Variants in TENM1 observed in about 807,000 individuals in gnomAD.
TENM1 encodes the protein teneurin-1.
TENM1 carries 35 observed loss-of-function variants against 174.8 expected under a neutral mutation model. The observed-to-expected ratio is 0.20, with a 90% CI of 0.15 to 0.27. The LOEUF is 0.27. TENM1 is among the 10% of genes least tolerant of loss of function. The probability of loss-of-function intolerance (pLI) is 1.00; values close to 1 mark genes in which losing one functional copy is unlikely to be tolerated. For synonymous variants in TENM1, 781 were observed against 798.7 expected, an observed-to-expected ratio of 0.98 and a Z score of 0.37; for missense variants, 1,633 against 2,130.1, an observed-to-expected ratio of 0.77 and a Z score of 4.59.
intron 25 of TENM1, among the ~76,000 whole-genome samples, chrX:124,411,391 C>T (rs911836368): frequency 6.7e-4 from 74 of 110,592 alleles, no homozygotes; most frequent in African/African-American, 2.3e-3. Flanking sequence ...GTGAAGGAGG[C>T]AATGGTGTTG....
intron 4 of TENM1, among the ~76,000 whole-genome samples, chrX:124,719,599 G>A (rs2053263855): frequency 9.0e-6 from 1 of 111,130 alleles, no homozygotes; most frequent in South Asian, 3.8e-4. Context: ...GTGGAAAGCA[G>A]GCCTGCCTTC....
At chrX:124,662,825 C>T (rs927270558) in intron 6 of TENM1, among the ~76,000 whole-genome samples, 9 of 111,817 alleles carry the variant, frequency 8.0e-5, no homozygotes, top group Non-Finnish European at 1.7e-4. Context: ...TTCTGTACAA[C>T]AGTTTGTTGC....
the TENM1 span, among the ~76,000 whole-genome samples, chrX:124,978,743 G>A: frequency 6.3e-5 from 7 of 111,827 alleles, no homozygotes; most frequent in Non-Finnish European, 1.1e-4. Flanking sequence ...CTCCGACAAT[G>A]GATCTGTGTG....
intron 18 of TENM1, among the ~76,000 whole-genome samples, chrX:124,516,866 C>T (rs777728394): frequency 8.9e-6 from 1 of 111,768 alleles, no homozygotes; most frequent in East Asian, 2.8e-4. Flanking sequence ...CATTGCAGCA[C>T]TATTCACAAT....
At chrX:124,692,868 C>T (rs2052558693) in intron 5 of TENM1, among the ~76,000 whole-genome samples, 1 of 107,004 alleles carries the variant, frequency 9.3e-6, no homozygotes, top group Non-Finnish European at 1.9e-5. Context: ...ATTAGCTGGG[C>T]GTGGTGATGC....
chrX:124,581,657 C>T (rs1044632634), intron 11 of TENM1, among the ~76,000 whole-genome samples: 3 of 112,020 alleles, frequency 2.7e-5, no homozygotes, highest in Non-Finnish European at 5.6e-5. Flanking sequence ...CTCCCACCAA[C>T]AGTGGATAAG....
chrX:124,815,612 TC>T (rs1011661023), intron 3 of TENM1, among the ~76,000 whole-genome samples: 7 of 111,464 alleles, frequency 6.3e-5, no homozygotes, highest in Non-Finnish European at 1.3e-4. Flanking sequence ...TAAAATACCC[TC>T]AGTATGTATA....
chrX:124,851,846 C>T (rs2056724744), intron 3 of TENM1, among the ~76,000 whole-genome samples: 1 of 111,380 alleles, frequency 9.0e-6, no homozygotes. Flanking sequence ...TGGGAGCTCA[C>T]AGTTCAGTGA....
At chrX:124,392,513 A>G (rs1212548234) in intron 27 of TENM1, among the ~76,000 whole-genome samples, 165 bp from the exon 31 acceptor site, 1 of 111,478 alleles carries the variant, frequency 9.0e-6, no homozygotes, top group Non-Finnish European at 1.9e-5. Context: ...TTATTCCTCT[A>G]CCACATTGTA....
chrX:124,868,942 C>T (rs759656669), intron 3 of TENM1, among the ~76,000 whole-genome samples: 5 of 109,474 alleles, frequency 4.6e-5, no homozygotes, highest in South Asian at 7.9e-4. Context: ...TGATCTCACC[C>T]GGCTGGGCGT....
chrX:124,796,466 C>A (rs902138520), intron 3 of TENM1, among the ~76,000 whole-genome samples: 1 of 111,568 alleles, frequency 9.0e-6, no homozygotes, highest in African/African-American at 3.3e-5. Flanking sequence ...ACCCTTATGA[C>A]CTTTGCATTA....
In TENM1 at chrX:124,589,046, C is replaced by T. The variant is rs5958537; in HGVS notation, c.2078-23486G>A. 6.2e-3 allele frequency among the ~76,000 whole-genome samples: 672 copies of T among 107,597 alleles called. 5 individuals carry two copies. The highest frequency in any genetic ancestry group is 0.021 in the African/African-American group (623 of 29,720). The allele number at this position is 107,597 out of a possible 115,157, so 93.4% of individuals were successfully genotyped here. A position where few individuals can be genotyped will look rare whatever the true frequency, so the allele number is the denominator to read the frequency against. ...TGTTGGCTGTGAGTTTGTCACAGAT[C>T]GCTTTTATTATTCTGATGTATGTTC... On this transcript the variant is annotated intron_variant, in intron 11 of 31. Transcript: ENST00000422452.
chrX:124,588,765 C>G (rs2049633682), intron 11 of TENM1, among the ~76,000 whole-genome samples: 1 of 111,933 alleles, frequency 8.9e-6, no homozygotes, highest in African/African-American at 3.2e-5. Flanking sequence ...TGAAACTTTA[C>G]TGAAGTCCTG....
At chrX:125,120,759 G>A in the TENM1 span, among the ~76,000 whole-genome samples, 1 of 111,166 alleles carries the variant, frequency 9.0e-6, no homozygotes, top group African/African-American at 3.3e-5. Flanking sequence ...GATGAACGTG[G>A]CCTTATAAAA....
At chrX:124,476,105 C>T (rs1184172231) in intron 22 of TENM1, among the ~76,000 whole-genome samples, 6 of 111,949 alleles carry the variant, frequency 5.4e-5, no homozygotes, top group African/African-American at 1.9e-4. Context: ...AACCATACCA[C>T]TTCCATTGAA....
At chrX:124,982,622 G>A in the TENM1 span, among the ~76,000 whole-genome samples, 1 of 112,096 alleles carries the variant, frequency 8.9e-6, no homozygotes, top group African/African-American at 3.2e-5. Flanking sequence ...AACTTAGAAT[G>A]AAAACCTCAT....
the TENM1 span, among the ~76,000 whole-genome samples, chrX:125,085,204 A>G: frequency 7.2e-5 from 8 of 110,832 alleles, no homozygotes; most frequent in African/African-American, 2.6e-4. Context: ...AATGTTACCT[A>G]CACAAATGAC....
At chrX:124,380,634 C>T in exon 32 of TENM1, 9 of 1,211,353 alleles carry the variant, frequency 7.4e-6, no homozygotes, top group South Asian at 3.5e-5. Flanking sequence ...AAATACCCAT[C>T]GTAACCTTGT....
the TENM1 span, among the ~76,000 whole-genome samples, chrX:125,003,136 T>C: frequency 4.5e-5 from 5 of 111,726 alleles, no homozygotes; most frequent in Admixed American, 4.8e-4. Context: ...CCATGGTCTC[T>C]ACAGAAGCAA....
Sources: allele counts gnomAD v4.1 joint callset (sites outside exome capture counted in the v4.1 genomes callset), GRCh38; gene constraint gnomAD v4.1.1; transcripts MANE v1.5; gene names NCBI Gene and HGNC (gene_info 2026-07-23, HGNC 2026-07-21).